The following CRHBP variants were observed in gnomAD, a reference collection of about 807,000 sequenced individuals.
CRHBP encodes the protein corticotropin releasing hormone binding protein, also known as corticotropin-releasing hormone-binding protein.
A neutral mutation model predicts 34.9 loss-of-function variants in CRHBP; 19 were observed. The ratio of observed to expected loss-of-function variants is 0.55; its 90% CI spans 0.38 to 0.80. The LOEUF (loss-of-function observed/expected upper bound fraction) is 0.80, where lower values mean the gene tolerates loss of function less well. Ranked by LOEUF, CRHBP falls within the 30% of genes least tolerant of loss-of-function variation. CRHBP has a pLI of 0.00. For missense variants in CRHBP, 328 were observed against 409.2 expected (o/e 0.80, Z 1.71); for synonymous variants, 154 against 153.4 (o/e 1.00, Z -0.03).
At chr5:76,966,462 T>C (rs777392126) in intron 6 of CRHBP, among the ~76,000 whole-genome samples, 1 of 152,154 alleles carries the variant, frequency 6.6e-6, no homozygotes, top group African/African-American at 2.4e-5. Context: ...CCTTGTGAGA[T>C]GTGGTGGAAG....
chr5:76,955,853 C>T lies in CRHBP; in HGVS notation c.534C>T (p.Pro178=). The change falls in exon 4 of 7, where the codon CCC becomes CCT. Residue 178 remains proline, a synonymous_variant. Coordinates refer to ENST00000274368, the MANE Select transcript of CRHBP (RefSeq NM_001882.4). ...NGFTLTIKTD[P]NLFPCNVISQ... is the part of the protein sequence containing the mutation. The stretch of plus-strand genomic sequence containing the variant: ...TCACATTAACCATAAAGACAGACCC[C>T]AACCTCTTTCGTAAGTGTTCTCAGT... 6.2e-7 allele frequency: 1 copy of T among 1,613,880 alleles called. No individual in the cohort carries two copies. Among genetic ancestry groups the T allele is most frequent in the Non-Finnish European group, 8.5e-7 (1 of 1,179,840 alleles).
At chr5:76,957,302 C>T (rs1745697628) in intron 4 of CRHBP, among the ~76,000 whole-genome samples, 1 of 152,118 alleles carries the variant, frequency 6.6e-6, no homozygotes, top group East Asian at 1.9e-4. Flanking sequence ...CTGATCTGTT[C>T]TGATCAATGT....
chr5:76,963,939 TAA>T (rs1266922993), intron 6 of CRHBP, among the ~76,000 whole-genome samples: 1 of 152,238 alleles, frequency 6.6e-6, no homozygotes, highest in African/African-American at 2.4e-5. Context: ...TTAGAACTGC[TAA>T]GTCTATAACT....
At chr5:76,956,090 C>A (rs1745664452) in intron 4 of CRHBP, among the ~76,000 whole-genome samples, 1 of 152,258 alleles carries the variant, frequency 6.6e-6, no homozygotes, top group South Asian at 2.1e-4. Flanking sequence ...ATGAAGAGTA[C>A]AATTCTATCT....
At chr5:76,953,278 G>A (rs1012984039) in intron 1 of CRHBP, 63 bp downstream of exon 1, 2 of 1,476,742 alleles carry the variant, frequency 1.4e-6, no homozygotes, top group Non-Finnish European at 1.9e-6. Context: ...GCGGCAGGCA[G>A]GCTGCCTCTG....
intron 3 of CRHBP, among the ~76,000 whole-genome samples, chr5:76,954,557 G>T (rs1157947208): frequency 6.6e-6 from 1 of 152,146 alleles, no homozygotes; most frequent in Non-Finnish European, 1.5e-5. Flanking sequence ...CAACAAGCTC[G>T]AGTGCTGGGG....
intron 3 of CRHBP, among the ~76,000 whole-genome samples, chr5:76,980,084 T>C (rs950532865): frequency 4.6e-5 from 7 of 150,908 alleles, no homozygotes; most frequent in South Asian, 4.2e-4. Context: ...ACCCCGTCTC[T>C]ACTAAAAATA....
At chr5:76,972,297 C>T (rs114946473), downstream of CRHBP, among the ~76,000 whole-genome samples, 1,798 of 152,030 alleles carry the variant, frequency 0.012, 50 homozygotes, top group African/African-American at 0.041. Flanking sequence ...GTTGGGAGTT[C>T]GAGATCAGCC....
At chr5:76,956,686 T>G (rs147064210) in intron 4 of CRHBP, among the ~76,000 whole-genome samples, 2 of 150,810 alleles carry the variant, frequency 1.3e-5, no homozygotes, top group African/African-American at 4.9e-5. Flanking sequence ...ATCGCGCCAC[T>G]GCGCTCCAGC....
chr5:76,953,779 C>G (rs897184819), intron 2 of CRHBP, 85 bp downstream of exon 2: 1 of 1,405,922 alleles, frequency 7.1e-7, no homozygotes. Context: ...TCGCGGACAT[C>G]TCGGGGAAGG....
chr5:76,964,439 C>T (rs1178984964), intron 6 of CRHBP, among the ~76,000 whole-genome samples: 2 of 152,206 alleles, frequency 1.3e-5, no homozygotes, highest in East Asian at 3.8e-4. Context: ...GGCCAGACCA[C>T]CAGTATTTTC....
intron 3 of CRHBP, among the ~76,000 whole-genome samples, chr5:76,980,120 T>G (rs535028015): frequency 0.015 from 2,222 of 150,848 alleles, 27 homozygotes; most frequent in Non-Finnish European, 0.023. Context: ...CCGGGCGTGG[T>G]GGCGGGCGCC....
intron 3 of CRHBP, among the ~76,000 whole-genome samples, chr5:76,979,559 C>G (rs1746087811): frequency 6.6e-6 from 1 of 152,066 alleles, no homozygotes; most frequent in Non-Finnish European, 1.5e-5. Context: ...CCATGTTGGC[C>G]AGGATGGTCT....
In CRHBP at chr5:76,953,391, A is replaced by G. The variant is rs1178277408; in HGVS notation, c.81+176A>G. 9.7e-6 allele frequency: 8 copies of G among 820,912 alleles called. No homozygotes were observed. In the African/African-American group the frequency reaches 1.0e-4, roughly 11 times the overall value. 50.9% of individuals were successfully genotyped at this position (820,912 alleles called of 1,614,324 possible). A position where few individuals can be genotyped will look rare whatever the true frequency, so the allele number is the denominator to read the frequency against. On this transcript the variant is annotated intron_variant, in intron 1 of 6. Coordinates refer to ENST00000274368, the MANE Select transcript of CRHBP (RefSeq NM_001882.4). ...CTCCCTCCTTGCCTCTGAGCATCCC[A>G]GACTGCCTGCCTGCCTTCCTCTGGC...
Position 76,955,373 on chromosome 5 carries a change from T to G in CRHBP, c.334-280T>G, listed in dbSNP as rs111880353. ...CAAGGTAAAAATGTACATTGTACGTTGTTTTATTTACCAAAGTGGTTGAAA... is the reference window on the plus strand; with the variant it reads ...CAAGGTAAAAATGTACATTGTACGTGGTTTTATTTACCAAAGTGGTTGAAA... On this transcript the variant is annotated intron_variant, in intron 3 of 6. Coordinates refer to ENST00000274368, the MANE Select transcript of CRHBP (RefSeq NM_001882.4). 3.6e-3 allele frequency among the ~76,000 whole-genome samples: 544 copies of G among 152,368 alleles called. 3 individuals carry two copies. The highest frequency in any genetic ancestry group is 0.012 in the African/African-American group (509 of 41,586).
chr5:76,967,115 A>G (rs1313900134), intron 6 of CRHBP, among the ~76,000 whole-genome samples: 1 of 152,098 alleles, frequency 6.6e-6, no homozygotes, highest in Admixed American at 6.5e-5. Flanking sequence ...GGTGGCACAC[A>G]ACTGTAATCC....
chr5:76,961,140 A>G (rs1745770245), intron 5 of CRHBP, among the ~76,000 whole-genome samples: 1 of 152,168 alleles, frequency 6.6e-6, no homozygotes, highest in African/African-American at 2.4e-5. Context: ...AAAGAAATTT[A>G]GGGAATCCCT....
chr5:76,964,687 C>T (rs1745834219), intron 6 of CRHBP, among the ~76,000 whole-genome samples: 1 of 152,084 alleles, frequency 6.6e-6, no homozygotes. Context: ...ACCCCCGTCT[C>T]TACTAAAAAT....
chr5:76,958,785 G>C lies in CRHBP; in HGVS notation c.589G>C (p.Val197Leu). 1.2e-6 allele frequency: 2 copies of C among 1,613,788 alleles called. No individual in the cohort carries two copies. Among genetic ancestry groups the C allele is most frequent in the Non-Finnish European group, 1.7e-6 (2 of 1,179,882 alleles). The change falls in exon 5 of 7, where the codon GTA becomes CTA. Residue 197 changes from valine to leucine, a missense_variant. Val to Leu is a conservative substitution (Grantham distance 32). This residue lies in a region of CRHBP where 144 missense variants were observed against 216.7 expected (regional missense o/e 0.66). Transcript: ENST00000274368. ...GACTCCAAATGGAAAGTTTACCCTG[G>C]TAGTTCCACACCAGCATCGAAACTG... ...SQTPNGKFTL[V>L]VPHQHRNCSF... is the part of the protein sequence containing the mutation.
Sources: allele counts gnomAD v4.1 joint callset (sites outside exome capture counted in the v4.1 genomes callset), GRCh38; gene constraint gnomAD v4.1.1; regional missense constraint gnomAD v4.1.1; transcripts MANE v1.5; gene names NCBI Gene and HGNC (gene_info 2026-07-23, HGNC 2026-07-21).